ITFG1: variants seen among roughly 807,000 people sequenced by gnomAD.
The protein encoded by ITFG1 is integrin alpha FG-GAP repeat containing 1.
Under a neutral mutation model 81.8 loss-of-function variants are expected in ITFG1, and 34 were observed. The ratio of observed to expected loss-of-function variants is 0.42; its 90% CI spans 0.32 to 0.55. The LOEUF (loss-of-function observed/expected upper bound fraction) is 0.55. Ranked by LOEUF, ITFG1 falls within the 20% of genes least tolerant of loss-of-function variation. The probability of loss-of-function intolerance (pLI) is 0.17; values close to 1 mark genes in which losing one functional copy is unlikely to be tolerated. For missense variants in ITFG1, 672 were observed against 755.4 expected (o/e 0.89, Z 1.29); for synonymous variants, 285 against 270.6 (o/e 1.05, Z -0.52).
At chr16:47,263,273 G>A in intron 10 of ITFG1, 1 of 428,678 alleles carries the variant, frequency 2.3e-6, no homozygotes, top group Non-Finnish European at 4.7e-6. Context: ...TTCTTGCTCT[G>A]TGTATGCTTA....
At position 47,190,214 on chromosome 16, in the gene ITFG1, G is replaced by GA. The variant is rs376009972; in HGVS notation, c.1454-27551dup. On this transcript the variant is annotated intron_variant, in intron 14 of 17. Transcript: ENST00000320640. ...ATAAGGGGCCTTTTTTTAGTAGGAA[G>GA]AAAAAAAAAAGACAAGGGAGCAAAA... 7.8e-4 allele frequency among the ~76,000 whole-genome samples: 114 copies of GA among 145,936 alleles called. 1 individual carries two copies. The highest frequency in any genetic ancestry group is 2.5e-3 in the African/African-American group (100 of 39,970).
intron 6 of ITFG1, among the ~76,000 whole-genome samples, chr16:47,414,805 A>G (rs1298020828): frequency 6.6e-6 from 1 of 152,174 alleles, no homozygotes; most frequent in African/African-American, 2.4e-5. Flanking sequence ...TAATTATACT[A>G]CTTTTAAATA....
At chr16:47,170,001 A>C (rs1255732164) in intron 14 of ITFG1, among the ~76,000 whole-genome samples, 1 of 152,184 alleles carries the variant, frequency 6.6e-6, no homozygotes, top group African/African-American at 2.4e-5. Flanking sequence ...GACTGTCTTA[A>C]GTTGAACAAT....
chr16:47,209,386 A>G (rs1236410738), intron 14 of ITFG1, among the ~76,000 whole-genome samples: 3 of 152,194 alleles, frequency 2.0e-5, no homozygotes, highest in Non-Finnish European at 2.9e-5. Context: ...CTGTTACTCT[A>G]TGGAACCTTA....
At chr16:47,394,055 G>T (rs1015305717) in intron 6 of ITFG1, among the ~76,000 whole-genome samples, 1 of 152,190 alleles carries the variant, frequency 6.6e-6, no homozygotes. Flanking sequence ...ATGCTTGTGA[G>T]CAATGGGAAA....
chr16:47,179,327 C>T (rs1272770177), intron 14 of ITFG1, among the ~76,000 whole-genome samples: 1 of 152,184 alleles, frequency 6.6e-6, no homozygotes, highest in African/African-American at 2.4e-5. Flanking sequence ...GGAACCAACC[C>T]AAATGTCCAT....
chr16:47,260,841 C>T (rs1422953529), intron 10 of ITFG1, 146 bp from the exon 11 acceptor site: 4 of 880,588 alleles, frequency 4.5e-6, no homozygotes, highest in Non-Finnish European at 3.4e-6. Flanking sequence ...GTTTATAGTA[C>T]TGTCATTAAA....
chr16:47,187,643 T>TA (rs1023573232), intron 14 of ITFG1, among the ~76,000 whole-genome samples: 163 of 151,150 alleles, frequency 1.1e-3, no homozygotes, highest in African/African-American at 3.6e-3. Flanking sequence ...ACATTAGACC[T>TA]AAAACCATAA....
intron 5 of ITFG1, among the ~76,000 whole-genome samples, chr16:47,439,175 T>C (rs1969210896): frequency 6.6e-6 from 1 of 152,130 alleles, no homozygotes; most frequent in South Asian, 2.1e-4. Context: ...CCAAGAAATA[T>C]GGGACTATGT....
At chr16:47,261,405 G>A (rs1966207881) in intron 10 of ITFG1, among the ~76,000 whole-genome samples, 1 of 152,144 alleles carries the variant, frequency 6.6e-6, no homozygotes, top group East Asian at 1.9e-4. Context: ...ACACTGCAAG[G>A]AAAGTTACTT....
chr16:47,349,728 A>T (rs1967920895), intron 8 of ITFG1, among the ~76,000 whole-genome samples: 1 of 152,166 alleles, frequency 6.6e-6, no homozygotes, highest in Non-Finnish European at 1.5e-5. Flanking sequence ...CATCTACAGA[A>T]CTCTCTACCC....
chr16:47,169,483 T>A (rs551490865), intron 14 of ITFG1, among the ~76,000 whole-genome samples: 4 of 152,262 alleles, frequency 2.6e-5, no homozygotes, highest in Admixed American at 2.6e-4. Context: ...TTTTCTTTTT[T>A]AAAAATTTCT....
At chr16:47,249,021 T>TC (rs1372844858) in intron 12 of ITFG1, among the ~76,000 whole-genome samples, 4 of 152,236 alleles carry the variant, frequency 2.6e-5, no homozygotes, top group Non-Finnish European at 5.9e-5. Context: ...GTTGCTTAGT[T>TC]CAAGTGTAAC....
At position 47,182,669 on chromosome 16, in the gene ITFG1, G is replaced by C. The variant is rs546445838; in HGVS notation, c.1454-20005C>G. 3.0e-4 allele frequency among the ~76,000 whole-genome samples: 46 copies of C among 152,310 alleles called. No individual in the cohort carries two copies. The Middle Eastern group carries it at 0.017, about 56-fold the overall frequency. ...AGAATTAGAATAACTATAGCAAACA[G>C]TATCATCTACTGCATGGATTCGGTG... is the stretch of plus-strand genomic sequence containing the variant. On this transcript the variant is annotated intron_variant, in intron 14 of 17. Transcript: ENST00000320640.
At chr16:47,301,367 G>GTATT (rs1967073068) in intron 10 of ITFG1, among the ~76,000 whole-genome samples, 1 of 151,824 alleles carries the variant, frequency 6.6e-6, no homozygotes, top group Non-Finnish European at 1.5e-5. Context: ...TTTCAAAACT[G>GTATT]GCAGTATTTC....
chr16:47,324,186 A>G (rs1391163768), intron 8 of ITFG1, among the ~76,000 whole-genome samples: 1 of 152,060 alleles, frequency 6.6e-6, no homozygotes, highest in Non-Finnish European at 1.5e-5. Flanking sequence ...AATATTCAAC[A>G]TTCTTAAAGA....
intron 8 of ITFG1, among the ~76,000 whole-genome samples, chr16:47,357,183 T>G (rs1968050772): frequency 6.6e-6 from 1 of 152,106 alleles, no homozygotes; most frequent in South Asian, 2.1e-4. Context: ...TTAGAAAGTA[T>G]TAAACATACC....
At chr16:47,186,824 CCT>C (rs1157149350) in intron 14 of ITFG1, among the ~76,000 whole-genome samples, 1 of 152,126 alleles carries the variant, frequency 6.6e-6, no homozygotes, top group Admixed American at 6.6e-5. Context: ...TCAAATTGTC[CCT>C]GTTTGCAGAC....
At chr16:47,240,332 A>G (rs537880065) in intron 12 of ITFG1, among the ~76,000 whole-genome samples, 17 of 151,894 alleles carry the variant, frequency 1.1e-4, no homozygotes, top group African/African-American at 3.1e-4. Flanking sequence ...GGATTATTCA[A>G]TAAGTGGTGC....
Sources: allele counts gnomAD v4.1 joint callset (sites outside exome capture counted in the v4.1 genomes callset), GRCh38; gene constraint gnomAD v4.1.1; transcripts MANE v1.5; gene names NCBI Gene and HGNC (gene_info 2026-07-23, HGNC 2026-07-21).